Variants in SLC22A25 observed in about 807,000 individuals in gnomAD.
SLC22A25 encodes the protein solute carrier family 22 member 25, also known as MGI:2442751, MGI:2385316, MGI:3042283, MGI:3645714, MGI:3605624, MGI:2442750.
A neutral mutation model predicts 45.9 loss-of-function variants in SLC22A25; 44 were observed. The observed-to-expected ratio is 0.96, with a 90% confidence interval of 0.75 to 1.23. The LOEUF is 1.23. SLC22A25 is among the 50% of genes most tolerant of loss of function. SLC22A25 has a pLI of 0.00. For missense variants in SLC22A25, 800 were observed against 666.4 expected (o/e 1.20, Z -2.21); for synonymous variants, 283 against 238.6 (o/e 1.19, Z -1.72).
In SLC22A25 at chr11:63,163,985, G is replaced by T. The variant is rs1405550933; in HGVS notation, c.1483C>A (p.Pro495Thr). The T allele has an allele frequency of 6.2e-7, 1 of 1,613,954 alleles. No individual in the cohort carries two copies. The highest frequency in any genetic ancestry group is 1.7e-5 in the Admixed American group (1 of 60,008). The change falls in exon 12 of 12, where the codon CCC (proline) becomes ACC (threonine). Residue 495 changes from proline to threonine, a missense_variant. Transcript: ENST00000306494. Reference protein sequence around the residue: ...LMMILSIYSRPLPWIIYGVFA... With the variant: ...LMMILSIYSRTLPWIIYGVFA... ...ACTCCATAGATGATCCAGGGCAGGG[G>T]TCGAGAATATATGCTTAGGATCATC... is the stretch of plus-strand genomic sequence containing the variant.
At position 63,164,651 on chromosome 11, in the gene SLC22A25, C is replaced by A; in HGVS notation, c.1286-17G>T. 1 of 1,595,016 alleles carries A rather than the reference C, an allele frequency of 6.3e-7. No homozygotes were observed. The stretch of plus-strand genomic sequence containing the variant: ...TCTGCATTTCTGGAGAAAGGAAGAC[C>A]ACAGGGCCTCAGGAAATCTGAGCTG... On this transcript the variant is annotated splice_polypyrimidine_tract_variant and intron_variant, in intron 10 of 11. Coordinates refer to ENST00000306494, the MANE Select transcript of SLC22A25 (RefSeq NM_199352.6).
rs2090287619 is a variant in SLC22A25 at position 63,243,591 on chromosome 11, T to C, written c.-1153A>G. 2 of 768,320 alleles carry C rather than the reference T, an allele frequency of 2.6e-6. No homozygotes were observed. Among genetic ancestry groups the C allele is most frequent in the South Asian group, 1.4e-5 (1 of 73,392 alleles). 47.6% of individuals were successfully genotyped at this position (768,320 alleles called of 1,614,324 possible). On this transcript the variant is annotated 5_prime_UTR_variant, in exon 1 of 12. Coordinates refer to ENST00000306494, the MANE Select transcript of SLC22A25 (RefSeq NM_199352.6). The stretch of plus-strand genomic sequence containing the variant: ...GACAACTCCATCAAGCCTCAGGAGC[T>C]GCTGGAGTGGGAACTGGTGGTGTTG...
chr11:63,236,227 C>T (rs536208645), intron 3 of SLC22A25, among the ~76,000 whole-genome samples: 8 of 152,194 alleles, frequency 5.3e-5, no homozygotes, highest in South Asian at 2.1e-4. Flanking sequence ...TTTGTCTGTG[C>T]CCTGCCCCCA....
intron 7 of SLC22A25, among the ~76,000 whole-genome samples, chr11:63,197,928 A>C (rs1435960582): frequency 1.3e-5 from 2 of 152,238 alleles, no homozygotes; most frequent in Non-Finnish European, 2.9e-5. Context: ...ATGAGCAAAC[A>C]CTTCTCAAAA....
rs553338850 is a variant in SLC22A25, at chr11:63,191,646, G to A, written c.831-7829C>T. On this transcript the variant is annotated intron_variant, in intron 7 of 11. Coordinates refer to ENST00000306494, the MANE Select transcript of SLC22A25 (RefSeq NM_199352.6). ...CTGTCTTCTGTGTTGCTCACACTGG[G>A]AACTGTAGACTGGAGCTGTTCCTAT... is the stretch of plus-strand genomic sequence containing the variant. Among the ~76,000 whole-genome samples the A allele has an allele frequency of 4.5e-4, 69 of 152,224 alleles. 1 individual carries two copies. The South Asian group carries it at 0.013, about 29-fold the overall frequency.
chr11:63,230,680 T>C (rs1035853834), intron 3 of SLC22A25, among the ~76,000 whole-genome samples: 8 of 152,220 alleles, frequency 5.3e-5, no homozygotes, highest in African/African-American at 1.7e-4. Flanking sequence ...CTTTAAGATC[T>C]AGGGTACATG....
Position 63,208,754 on chromosome 11 carries a change from G to A in SLC22A25, c.830+8560C>T, listed in dbSNP as rs1293698421. Among the ~76,000 whole-genome samples the A allele has an allele frequency of 5.3e-5, 8 of 152,256 alleles. No individual in the cohort carries two copies. The East Asian group carries it at 1.4e-3, about 26-fold the overall frequency. On this transcript the variant is annotated intron_variant, in intron 7 of 11. Transcript: ENST00000306494. Reference sequence around the variant, plus strand: ...TAGCAGGGGCTGTGTGCTTGGAGGTGAGTGTGGGGGAAATTAGAACTAGGA... The same window carrying A: ...TAGCAGGGGCTGTGTGCTTGGAGGTAAGTGTGGGGGAAATTAGAACTAGGA...
At chr11:63,240,204 A>G (rs1268656235) in intron 1 of SLC22A25, among the ~76,000 whole-genome samples, 1 of 152,180 alleles carries the variant, frequency 6.6e-6, no homozygotes, top group Non-Finnish European at 1.5e-5. Context: ...AAGATAAAAG[A>G]TAAAAAAATT....
At chr11:63,212,801 AT>A (rs199547273) in intron 7 of SLC22A25, among the ~76,000 whole-genome samples, 14 of 127,264 alleles carry the variant, frequency 1.1e-4, no homozygotes, top group African/African-American at 1.3e-4. Context: ...TTAAAGTATA[AT>A]TTAAAAAAAA....
rs770102457 is a variant in SLC22A25, at chr11:63,231,020, T to C, written c.-444-924A>G. On this transcript the variant is annotated intron_variant, in intron 3 of 11. Transcript: ENST00000306494. The stretch of plus-strand genomic sequence containing the variant: ...GCTGTATAGTATTCCATGGTGTATA[T>C]GTGGCACATTTTCTTAATCTAGTCT... Among the ~76,000 whole-genome samples the C allele has an allele frequency of 4.4e-4, 67 of 151,884 alleles. 1 individual carries two copies. Among genetic ancestry groups the C allele is most frequent in the Non-Finnish European group, 8.7e-4 (59 of 68,048 alleles).
chr11:63,171,044 C>T (rs762345255), intron 9 of SLC22A25, among the ~76,000 whole-genome samples: 8 of 152,162 alleles, frequency 5.3e-5, no homozygotes, highest in African/African-American at 7.2e-5. Context: ...ATCACGTAAA[C>T]AGAATCAATG....
intron 5 of SLC22A25, among the ~76,000 whole-genome samples, chr11:63,223,801 T>G (rs2089902838): frequency 6.6e-6 from 1 of 152,112 alleles, no homozygotes; most frequent in South Asian, 2.1e-4. Flanking sequence ...TCCATTGATT[T>G]TGGTATATTG....
chr11:63,164,679 G>A, intron 10 of SLC22A25, 45 bp from the exon 11 acceptor site: 1 of 1,457,606 alleles, frequency 6.9e-7, no homozygotes, highest in Non-Finnish European at 9.6e-7. Context: ...CTGAGCTGAA[G>A]GAATCAGCAT....
chr11:63,220,040 T>C, intron 5 of SLC22A25: 2 of 1,284,340 alleles, frequency 1.6e-6, no homozygotes, highest in South Asian at 2.5e-5. Context: ...TCAGAAGACA[T>C]ACGGTAAGTT....
chr11:63,188,046 T>G (rs988850698), intron 7 of SLC22A25, among the ~76,000 whole-genome samples: 28 of 152,166 alleles, frequency 1.8e-4, no homozygotes, highest in African/African-American at 3.6e-4. Flanking sequence ...GTATCAGGAT[T>G]ATGCTGGCCT....
At chr11:63,236,062 T>A (rs1258319973) in intron 3 of SLC22A25, among the ~76,000 whole-genome samples, 1 of 152,000 alleles carries the variant, frequency 6.6e-6, no homozygotes, top group Non-Finnish European at 1.5e-5. Flanking sequence ...TAATGGGGGG[T>A]GCCTCCCAGT....
chr11:63,241,813 A>G (rs1246612643), intron 1 of SLC22A25, among the ~76,000 whole-genome samples: 1 of 152,210 alleles, frequency 6.6e-6, no homozygotes, highest in Non-Finnish European at 1.5e-5. Context: ...GAGGCACAAC[A>G]TTGGTGGGCA....
At chr11:63,208,455 C>T (rs568872958) in intron 7 of SLC22A25, among the ~76,000 whole-genome samples, 1 of 152,284 alleles carries the variant, frequency 6.6e-6, no homozygotes, top group South Asian at 2.1e-4. Flanking sequence ...GAAAGTGGTT[C>T]ATTGGATCTG....
chr11:63,240,096 A>G (rs775702070), intron 1 of SLC22A25, among the ~76,000 whole-genome samples: 1 of 152,212 alleles, frequency 6.6e-6, no homozygotes, highest in Non-Finnish European at 1.5e-5. Context: ...GCAAACCTGT[A>G]CAGTATGTTA....
Sources: gnomAD v4.1 joint callset for allele counts (sites outside exome capture counted in the v4.1 genomes callset) on GRCh38, gnomAD v4.1.1 for gene constraint, MANE v1.5 for transcripts, NCBI Gene and HGNC (gene_info 2026-07-23, HGNC 2026-07-21) for gene names.